Variants in OR4F6 observed in about 807,000 individuals in gnomAD.
OR4F6 encodes the protein olfactory receptor 4F6.
Under a neutral mutation model 15.9 loss-of-function variants are expected in OR4F6, and 13 were observed. That is an observed-to-expected ratio of 0.82 (90% CI 0.53 to 1.30). The LOEUF is 1.30. OR4F6 is among the 50% of genes most tolerant of loss of function. The probability of loss-of-function intolerance (pLI) is 0.00; values close to 1 mark genes in which losing one functional copy is unlikely to be tolerated. For missense variants in OR4F6, 426 were observed against 367.2 expected, an observed-to-expected ratio of 1.16 and a Z score of -1.31; for synonymous variants, 150 against 133.8, an observed-to-expected ratio of 1.12 and a Z score of -0.83.
Position 101,805,794 on chromosome 15 carries a change from C to G in OR4F6, c.75C>G (p.Leu25=). Reference sequence around the variant, plus strand: ...TCTCTGACTCGCGGAAGATCCAGCTCCTCCTCTTCCTCTTTTTCTCAGTGT... The same window carrying G: ...TCTCTGACTCGCGGAAGATCCAGCTGCTCCTCTTCCTCTTTTTCTCAGTGT... ...LGLSDSRKIQ[L]LLFLFFSVFY... The change falls in exon 2 of 2, where the codon CTC becomes CTG. Residue 25 remains leucine (L), a synonymous_variant. Transcript: ENST00000328882. The G allele has an allele frequency of 6.2e-7, 1 of 1,614,078 alleles. No individual in the cohort carries two copies. Among genetic ancestry groups the G allele is most frequent in the Non-Finnish European group, 8.5e-7 (1 of 1,179,988 alleles).
rs759593063 is a variant in OR4F6, at chr15:101,806,109, C to T, written c.390C>T (p.Leu130=). The change falls in exon 2 of 2, where the codon CTC becomes CTT. Residue 130 remains leucine (L), a synonymous_variant. Transcript: ENST00000328882. ...FDRYVAICKP[L]HYLTIMNPQR... ...GATATGTGGCCATATGTAAGCCTCTCCACTACCTGACCATCATGAACCCAC... is the reference window on the plus strand; with the variant it reads ...GATATGTGGCCATATGTAAGCCTCTTCACTACCTGACCATCATGAACCCAC... 3 of 1,614,102 alleles carry T rather than the reference C, an allele frequency of 1.9e-6. No homozygotes were observed. The East Asian group carries it at 6.7e-5, about 36-fold the overall frequency.
intron 1 of OR4F6, 56 bp from the exon 2 acceptor site, chr15:101,805,631 C>T (rs1421392599): frequency 9.7e-7 from 1 of 1,029,868 alleles, no homozygotes; most frequent in Non-Finnish European, 1.4e-6. Context: ...CATGATTTTG[C>T]CAACATCAAT....
Position 101,806,591 on chromosome 15 carries a change from A to G in OR4F6, c.872A>G (p.Asn291Ser), listed in dbSNP as rs771474577. ...VLNPVIYTFRNKEMMVAMRRR... is the reference protein window; with the variant it reads ...VLNPVIYTFRSKEMMVAMRRR... ...AATCCAGTCATCTATACTTTTAGAA[A>G]TAAAGAGATGATGGTGGCAATGAGA... The change falls in exon 2 of 2, where the codon AAT (asparagine) becomes AGT (serine). Residue 291 changes from asparagine (N) to serine (S), a missense_variant. Coordinates refer to ENST00000328882, the MANE Select transcript of OR4F6 (RefSeq NM_001005326.2). The G allele has an allele frequency of 6.2e-7, 1 of 1,609,538 alleles. No homozygotes were observed. The highest frequency in any genetic ancestry group is 1.7e-5 in the Admixed American group (1 of 58,884).
In OR4F6 at chr15:101,806,058, G is replaced by A. The variant is rs1902796356; in HGVS notation, c.339G>A (p.Val113=). The A allele has an allele frequency of 8.1e-6, 13 of 1,614,134 alleles. No individual in the cohort carries two copies. The highest frequency in any genetic ancestry group is 1.1e-5 in the Non-Finnish European group (13 of 1,179,990). ...ATGCAGTTGGGGGAACTGAGATGGTGCTGCTCATAGCCATGGCTTTTGACC... is the reference window on the plus strand; with the variant it reads ...ATGCAGTTGGGGGAACTGAGATGGTACTGCTCATAGCCATGGCTTTTGACC... ...FIHAVGGTEM[V]LLIAMAFDRY... is the part of the protein sequence containing the mutation. Residue 113 remains valine (V), a synonymous_variant, in exon 2 of 2, where the codon GTG becomes GTA. Transcript: ENST00000328882.
Position 101,805,785 on chromosome 15 carries a change from G to T in OR4F6, c.66G>T (p.Lys22Asn). ...FVFLGLSDSR[K>N]IQLLLFLFFS... ...TCCTGGGACTCTCTGACTCGCGGAAGATCCAGCTCCTCCTCTTCCTCTTTT... is the reference window on the plus strand; with the variant it reads ...TCCTGGGACTCTCTGACTCGCGGAATATCCAGCTCCTCCTCTTCCTCTTTT... The change falls in exon 2 of 2, where the codon AAG (lysine) becomes AAT (asparagine). Residue 22 changes from lysine to asparagine, a missense_variant. Coordinates refer to ENST00000328882, the MANE Select transcript of OR4F6 (RefSeq NM_001005326.2). 1 of 1,614,120 alleles carries T rather than the reference G, an allele frequency of 6.2e-7. No individual in the cohort carries two copies. The highest frequency in any genetic ancestry group is 8.5e-7 in the Non-Finnish European group (1 of 1,179,998).
chr15:101,803,744 C>T (rs1461419490), intron 1 of OR4F6, among the ~76,000 whole-genome samples, 199 bp downstream of exon 1: 1 of 152,104 alleles, frequency 6.6e-6, no homozygotes, highest in Non-Finnish European at 1.5e-5. Context: ...ATTTCATGTT[C>T]AATATTGGAA....
Position 101,806,734 on chromosome 15 carries a change from T to TAGCTTAC in OR4F6, c.*76_*77insAGCTTAC. The TAGCTTAC allele has an allele frequency of 1.2e-6, 1 of 854,152 alleles. No homozygotes were observed. The highest frequency in any genetic ancestry group is 1.8e-6 in the Non-Finnish European group (1 of 564,650). The allele number at this position is 854,152 out of a possible 1,614,324, so 52.9% of individuals were successfully genotyped here. ...TATGTGTTAAGTAAGCTATGTTAAA[T>TAGCTTAC]TTAACCAGAATATCACTTTCTACTA... On this transcript the variant is annotated 3_prime_UTR_variant, in exon 2 of 2. Transcript: ENST00000328882.
chr15:101,804,679 TG>T (rs948770489), intron 1 of OR4F6, among the ~76,000 whole-genome samples: 7 of 152,290 alleles, frequency 4.6e-5, no homozygotes, highest in African/African-American at 1.4e-4. Context: ...AAGTGTTCAG[TG>T]GGGACTAATA....
At chr15:101,803,929 G>A (rs1458319785) in intron 1 of OR4F6, among the ~76,000 whole-genome samples, 1 of 152,154 alleles carries the variant, frequency 6.6e-6, no homozygotes, top group Non-Finnish European at 1.5e-5. Context: ...AGCACACAAA[G>A]ATCATCACAA....
At position 101,803,552 on chromosome 15, in the gene OR4F6, T is replaced by A. The variant is rs1036133463; in HGVS notation, c.-34+7T>A. 1 of 152,162 alleles carries A rather than the reference T, an allele frequency of 6.6e-6. No homozygotes were observed. Among genetic ancestry groups the A allele is most frequent in the Non-Finnish European group, 1.5e-5 (1 of 68,038 alleles). 9.4% of individuals were successfully genotyped at this position (152,162 alleles called of 1,614,324 possible). A position where few individuals can be genotyped will look rare whatever the true frequency, so the allele number is the denominator to read the frequency against. ...TATTTCAACACTGGTCCAGGTAGGT[T>A]AAATGGAAAGAAACTGTCTTTGATG... On this transcript the variant is annotated splice_region_variant and intron_variant, in intron 1 of 1. Coordinates refer to ENST00000328882, the MANE Select transcript of OR4F6 (RefSeq NM_001005326.2).
chr15:101,806,422 A>C lies in OR4F6; in HGVS notation c.703A>C (p.Lys235Gln). The C allele has an allele frequency of 6.2e-7, 1 of 1,613,622 alleles. No individual in the cohort carries two copies. The highest frequency in any genetic ancestry group is 8.5e-7 in the Non-Finnish European group (1 of 1,179,812). ...VQKKSSGGIF[K>Q]AFSMLSAHVI... ...GAAAAAATCTTCAGGTGGTATATTC[A>C]AGGCTTTCTCTATGCTGTCAGCTCA... The change falls in exon 2 of 2, where the codon AAG becomes CAG. Residue 235 changes from lysine (K) to glutamine (Q), a missense_variant. Physicochemically the swap from Lys to Gln is moderately conservative, Grantham distance 53. Coordinates refer to ENST00000328882, the MANE Select transcript of OR4F6 (RefSeq NM_001005326.2).
rs1387502099 is a variant in OR4F6, at chr15:101,806,317, A to G, written c.598A>G (p.Thr200Ala). 6.2e-7 allele frequency: 1 copy of G among 1,613,936 alleles called. No homozygotes were observed. The highest frequency in any genetic ancestry group is 8.5e-7 in the Non-Finnish European group (1 of 1,179,784). The change falls in exon 2 of 2, where the codon ACT becomes GCT. Residue 200 changes from threonine to alanine, a missense_variant. By Grantham distance (58) the Thr-to-Ala change is moderately conservative. Transcript: ENST00000328882. ...GACCTACACATTGGGATTCATGGTTACTGCCAATAGTGGATTTATTTCTCT... is the reference window on the plus strand; with the variant it reads ...GACCTACACATTGGGATTCATGGTTGCTGCCAATAGTGGATTTATTTCTCT... ...IETYTLGFMV[T>A]ANSGFISLAS...
Position 101,805,760 on chromosome 15 carries a change from T to A in OR4F6, c.41T>A (p.Phe14Tyr). The change falls in exon 2 of 2, where the codon TTC becomes TAC. Residue 14 changes from phenylalanine to tyrosine, a missense_variant. Physicochemically the swap from Phe to Tyr is conservative, Grantham distance 22 (BLOSUM62 3). Coordinates refer to ENST00000328882, the MANE Select transcript of OR4F6 (RefSeq NM_001005326.2). ...CACTCTGTGGTCTCTGAGTTTGTGT[T>A]CCTGGGACTCTCTGACTCGCGGAAG... The part of the protein sequence containing the change: ...ANHSVVSEFV[F>Y]LGLSDSRKIQ... 6.2e-7 allele frequency: 1 copy of A among 1,614,034 alleles called. No homozygotes were observed. Among genetic ancestry groups the A allele is most frequent in the Non-Finnish European group, 8.5e-7 (1 of 1,179,942 alleles).
rs1264886043 is a variant in OR4F6 at position 101,805,847 on chromosome 15, T to A, written c.128T>A (p.Leu43His). 1 of 1,614,064 alleles carries A rather than the reference T, an allele frequency of 6.2e-7. No homozygotes were observed. The highest frequency in any genetic ancestry group is 1.7e-5 in the Admixed American group (1 of 60,014). Residue 43 changes from leucine (L) to histidine (H), a missense_variant, in exon 2 of 2, where the codon CTC (leucine) becomes CAC (histidine). Transcript: ENST00000328882. The stretch of plus-strand genomic sequence containing the variant: ...TATGTGTCAAGCCTGATGGGAAATC[T>A]CCTCATTGTGCTAACTGTGACCTCT... ...VFYVSSLMGNLLIVLTVTSDP... is the reference protein window; with the variant it reads ...VFYVSSLMGNHLIVLTVTSDP...
Position 101,806,695 on chromosome 15 carries a change from G to C in OR4F6, c.*37G>C, listed in dbSNP as rs770975519. The C allele has an allele frequency of 2.5e-6, 3 of 1,198,972 alleles. No homozygotes were observed. The highest frequency in any genetic ancestry group is 3.5e-6 in the Non-Finnish European group (3 of 864,378). The allele number at this position is 1,198,972 out of a possible 1,614,324, so 74.3% of individuals were successfully genotyped here. A position where few individuals can be genotyped will look rare whatever the true frequency, so the allele number is the denominator to read the frequency against. On this transcript the variant is annotated 3_prime_UTR_variant, in exon 2 of 2. Coordinates refer to ENST00000328882, the MANE Select transcript of OR4F6 (RefSeq NM_001005326.2). ...ATATACAAAAAGGCAAATTATACTA[G>C]AATTTCAGACAGATATGTGTTAAGT...
At position 101,805,816 on chromosome 15, in the gene OR4F6, G is replaced by T. The variant is rs1430678521; in HGVS notation, c.97G>T (p.Val33Leu). The T allele has an allele frequency of 6.2e-7, 1 of 1,614,074 alleles. No individual in the cohort carries two copies. Among genetic ancestry groups the T allele is most frequent in the Admixed American group, 1.7e-5 (1 of 60,008 alleles). Residue 33 changes from valine (V) to leucine (L), a missense_variant, in exon 2 of 2, where the codon GTG (valine) becomes TTG (leucine). Physicochemically the swap from Val to Leu is conservative, Grantham distance 32 (BLOSUM62 1). Transcript: ENST00000328882. Reference sequence around the variant, plus strand: ...GCTCCTCCTCTTCCTCTTTTTCTCAGTGTTCTATGTGTCAAGCCTGATGGG... The same window carrying T: ...GCTCCTCCTCTTCCTCTTTTTCTCATTGTTCTATGTGTCAAGCCTGATGGG... ...IQLLLFLFFS[V>L]FYVSSLMGNL...
In OR4F6 at chr15:101,806,414, G is replaced by A. The variant is rs1468254857; in HGVS notation, c.695G>A (p.Gly232Asp). The change falls in exon 2 of 2, where the codon GGT becomes GAT. Residue 232 changes from glycine (G) to aspartate (D), a missense_variant. By Grantham distance (94) the Gly-to-Asp change is moderately conservative. Coordinates refer to ENST00000328882, the MANE Select transcript of OR4F6 (RefSeq NM_001005326.2). ...ACTGTTCAGAAAAAATCTTCAGGTGGTATATTCAAGGCTTTCTCTATGCTG... is the reference window on the plus strand; with the variant it reads ...ACTGTTCAGAAAAAATCTTCAGGTGATATATTCAAGGCTTTCTCTATGCTG... Reference protein sequence around the residue: ...LVTVQKKSSGGIFKAFSMLSA... With the variant: ...LVTVQKKSSGDIFKAFSMLSA... The A allele has an allele frequency of 1.2e-6, 2 of 1,613,542 alleles. No homozygotes were observed. The highest frequency in any genetic ancestry group is 1.7e-6 in the Non-Finnish European group (2 of 1,179,764).
Position 101,806,026 on chromosome 15 carries a change from T to G in OR4F6, c.307T>G (p.Phe103Val), listed in dbSNP as rs1193107670. ...SFGGCVVQIFFIHAVGGTEMV... is the reference protein window; with the variant it reads ...SFGGCVVQIFVIHAVGGTEMV... ...TGGGGGCTGTGTAGTTCAGATCTTC[T>G]TTATCCATGCAGTTGGGGGAACTGA... is the stretch of plus-strand genomic sequence containing the variant. The change falls in exon 2 of 2, where the codon TTT becomes GTT. Residue 103 changes from phenylalanine (F) to valine (V), a missense_variant. Transcript: ENST00000328882. 2 of 1,614,086 alleles carry G rather than the reference T, an allele frequency of 1.2e-6. No individual in the cohort carries two copies. The highest frequency in any genetic ancestry group is 2.7e-5 in the African/African-American group (2 of 74,940).
Position 101,806,423 on chromosome 15 carries a change from A to G in OR4F6, c.704A>G (p.Lys235Arg), listed in dbSNP as rs1294646245. ...AAAAAATCTTCAGGTGGTATATTCA[A>G]GGCTTTCTCTATGCTGTCAGCTCAT... ...VQKKSSGGIF[K>R]AFSMLSAHVI... The change falls in exon 2 of 2, where the codon AAG becomes AGG. Residue 235 changes from lysine (K) to arginine (R), a missense_variant. Transcript: ENST00000328882. 1.9e-6 allele frequency: 3 copies of G among 1,613,642 alleles called. No homozygotes were observed. In the South Asian group the frequency reaches 3.3e-5, roughly 18 times the overall value.
Sources: gnomAD v4.1 joint callset for allele counts (sites outside exome capture counted in the v4.1 genomes callset) on GRCh38, gnomAD v4.1.1 for gene constraint, MANE v1.5 for transcripts, NCBI Gene and HGNC (gene_info 2026-07-23, HGNC 2026-07-21) for gene names.